Variants in TMEM135 observed in about 807,000 individuals in gnomAD.
The protein encoded by TMEM135 is transmembrane protein 135.
Under a neutral mutation model 60.3 loss-of-function variants are expected in TMEM135, and 30 were observed. That is an observed-to-expected ratio of 0.50 (90% CI 0.37 to 0.68). TMEM135 has a LOEUF of 0.68. Among genes scored for constraint, TMEM135 ranks in the 30% least tolerant of loss-of-function variants. TMEM135 has a pLI of 0.00. For missense variants in TMEM135, 468 were observed against 548.8 expected (o/e 0.85, Z 1.47); for synonymous variants, 190 against 186.7 (o/e 1.02, Z -0.14).
At chr11:87,209,404 TC>T (rs758503344) in intron 5 of TMEM135, among the ~76,000 whole-genome samples, 6 of 151,910 alleles carry the variant, frequency 3.9e-5, no homozygotes, top group Non-Finnish European at 5.9e-5. Flanking sequence ...TATTCTTATA[TC>T]AGAAAAAAAC....
intron 1 of TMEM135, among the ~76,000 whole-genome samples, chr11:87,047,268 G>C (rs1445799561): frequency 6.6e-6 from 1 of 152,094 alleles, no homozygotes; most frequent in African/African-American, 2.4e-5. Flanking sequence ...ATCTTAAATT[G>C]TACAACAGCC....
intron 1 of TMEM135, among the ~76,000 whole-genome samples, chr11:87,057,143 G>A (rs1374015684): frequency 6.6e-6 from 1 of 152,030 alleles, no homozygotes; most frequent in Non-Finnish European, 1.5e-5. Context: ...TCTGAGTCTT[G>A]TTCCTGATCA....
intron 5 of TMEM135, chr11:87,178,656 C>T: frequency 2.7e-6 from 1 of 371,470 alleles, no homozygotes; most frequent in South Asian, 2.0e-5. Flanking sequence ...GAACTCCTGA[C>T]CTCAAGTGAT....
chr11:87,117,092 A>G (rs959267916), intron 4 of TMEM135, among the ~76,000 whole-genome samples: 13 of 152,172 alleles, frequency 8.5e-5, no homozygotes, highest in African/African-American at 3.1e-4. Flanking sequence ...AAGTGCTGAG[A>G]TTACAGGCGT....
At chr11:87,053,242 G>T (rs549886397) in intron 1 of TMEM135, among the ~76,000 whole-genome samples, 1 of 150,500 alleles carries the variant, frequency 6.6e-6, no homozygotes, top group African/African-American at 2.4e-5. Flanking sequence ...GGTAACTCTT[G>T]TGAGTTATGA....
At chr11:87,189,953 A>C (rs1303396385) in intron 5 of TMEM135, among the ~76,000 whole-genome samples, 2 of 152,080 alleles carry the variant, frequency 1.3e-5, no homozygotes, top group African/African-American at 2.4e-5. Context: ...ATAAATAAAT[A>C]AAATACATAA....
intron 1 of TMEM135, among the ~76,000 whole-genome samples, chr11:87,045,768 AT>A (rs1374729984): frequency 6.6e-6 from 1 of 152,160 alleles, no homozygotes; most frequent in Non-Finnish European, 1.5e-5. Context: ...TCTTTTCATT[AT>A]TTGCCAATAA....
chr11:87,295,066 T>G (rs1204211360), intron 6 of TMEM135, among the ~76,000 whole-genome samples: 1 of 152,202 alleles, frequency 6.6e-6, no homozygotes, highest in Non-Finnish European at 1.5e-5. Context: ...GGTTACTGCA[T>G]TTTTTGAGCC....
At chr11:87,091,428 C>G (rs774781011) in intron 4 of TMEM135, 33 bp downstream of exon 4, 1 of 1,603,230 alleles carries the variant, frequency 6.2e-7, no homozygotes, top group East Asian at 2.2e-5. Flanking sequence ...TGATGTCTTC[C>G]CATAAGCTAT....
At chr11:87,057,026 C>T (rs2135122838) in intron 1 of TMEM135, among the ~76,000 whole-genome samples, 1 of 152,168 alleles carries the variant, frequency 6.6e-6, no homozygotes, top group Admixed American at 6.5e-5. Flanking sequence ...GGAGTTCCAT[C>T]ACTAAAAGTT....
At chr11:87,114,686 G>A (rs1196252440) in intron 4 of TMEM135, among the ~76,000 whole-genome samples, 1 of 152,104 alleles carries the variant, frequency 6.6e-6, no homozygotes, top group African/African-American at 2.4e-5. Context: ...AGCTGCATAT[G>A]TTGGAAAAAT....
chr11:87,264,487 G>C lies in TMEM135; in HGVS notation c.509+27803G>C, dbSNP rs112035548. ...TTTATGTTACTGTTTATATATTATT[G>C]ATAGTTTCTTTTTAGTAGGAAGGAA... On this transcript the variant is annotated intron_variant, in intron 6 of 14. Transcript: ENST00000305494. Among the ~76,000 whole-genome samples, 885 of 151,726 alleles carry C rather than the reference G, an allele frequency of 5.8e-3. 9 individuals carry two copies. Among genetic ancestry groups the C allele is most frequent in the African/African-American group, 0.02 (830 of 41,470 alleles).
rs1271641730 is a variant in TMEM135 at position 87,323,677 on chromosome 11, A to G, written c.*2344A>G. 4 of 453,324 alleles carry G rather than the reference A, an allele frequency of 8.8e-6. No individual in the cohort carries two copies. Among genetic ancestry groups the G allele is most frequent in the East Asian group, 6.9e-5 (1 of 14,394 alleles). The allele number at this position is 453,324 out of a possible 1,614,324, so 28.1% of individuals were successfully genotyped here. A position where few individuals can be genotyped will look rare whatever the true frequency, so the allele number is the denominator to read the frequency against. The stretch of plus-strand genomic sequence containing the variant: ...ACCGTGCATTTGGGGCAGTGGTATT[A>G]TGGTCATTTCGTTGCTATTTTCTGT... On this transcript the variant is annotated 3_prime_UTR_variant, in exon 15 of 15. Coordinates refer to ENST00000305494, the MANE Select transcript of TMEM135 (RefSeq NM_022918.4).
At chr11:87,124,259 T>C (rs1420476926) in intron 4 of TMEM135, among the ~76,000 whole-genome samples, 1 of 151,928 alleles carries the variant, frequency 6.6e-6, no homozygotes, top group African/African-American at 2.4e-5. Context: ...AAGAGTCGAG[T>C]CTCAGGAAAA....
chr11:87,137,572 A>G (rs939450432), intron 4 of TMEM135, among the ~76,000 whole-genome samples: 7 of 152,176 alleles, frequency 4.6e-5, no homozygotes, highest in African/African-American at 1.7e-4. Context: ...AATATTTGGT[A>G]TTATCCCCAT....
intron 5 of TMEM135, among the ~76,000 whole-genome samples, chr11:87,213,879 T>C (rs1940436163): frequency 6.6e-6 from 1 of 152,190 alleles, no homozygotes; most frequent in Admixed American, 6.5e-5. Context: ...ACATATCCAT[T>C]ATCTTGTTCT....
intron 4 of TMEM135, among the ~76,000 whole-genome samples, chr11:87,120,274 A>G (rs1858016326): frequency 6.6e-6 from 1 of 150,794 alleles, no homozygotes; most frequent in Non-Finnish European, 1.5e-5. Context: ...TAATTTTTTA[A>G]TTTTTAATTT....
chr11:87,090,986 A>C (rs1308241888), intron 3 of TMEM135, among the ~76,000 whole-genome samples: 1 of 152,062 alleles, frequency 6.6e-6, no homozygotes, highest in Non-Finnish European at 1.5e-5. Context: ...ATTGTTCTTT[A>C]CATTTTGGCA....
At chr11:87,185,142 T>G (rs529625134) in intron 5 of TMEM135, among the ~76,000 whole-genome samples, 6 of 152,276 alleles carry the variant, frequency 3.9e-5, no homozygotes, top group African/African-American at 1.4e-4. Context: ...GTATGTATCC[T>G]TAGAAGATAA....
Sources: gnomAD v4.1 joint callset for allele counts (sites outside exome capture counted in the v4.1 genomes callset) on GRCh38, gnomAD v4.1.1 for gene constraint, MANE v1.5 for transcripts, NCBI Gene and HGNC (gene_info 2026-07-23, HGNC 2026-07-21) for gene names.